LPL: variants seen among roughly 807,000 people sequenced by gnomAD.
The protein encoded by LPL is phospholipase A1.
Under a neutral mutation model 52.2 loss-of-function variants are expected in LPL, and 43 were observed. The observed-to-expected ratio is 0.82, with a 90% CI of 0.64 to 1.06. The LOEUF is 1.06. LPL is among the 50% of genes least tolerant of loss of function. The pLI is 0.00. For synonymous variants in LPL, 244 were observed against 215.6 expected, an observed-to-expected ratio of 1.13 and a Z score of -1.15; for missense variants, 639 against 585.3, an observed-to-expected ratio of 1.09 and a Z score of -0.95.
chr8:19,965,036 A>G (rs2070073506), intron 9 of LPL, among the ~76,000 whole-genome samples: 1 of 152,220 alleles, frequency 6.6e-6, no homozygotes, highest in Non-Finnish European at 1.5e-5. Flanking sequence ...TTAGAATAAG[A>G]AATCCTCTAA....
intron 2 of LPL, among the ~76,000 whole-genome samples, chr8:19,949,173 T>C (rs2069910213): frequency 6.6e-6 from 1 of 152,226 alleles, no homozygotes. Context: ...GTTAAAGATA[T>C]ATTATCTATC....
chr8:19,960,554 C>T (rs1300660506), intron 7 of LPL, among the ~76,000 whole-genome samples: 2 of 152,162 alleles, frequency 1.3e-5, no homozygotes, highest in South Asian at 2.1e-4. Context: ...AATAGAGAAT[C>T]GTATGTGTGC....
chr8:19,964,297 T>C (rs536872820), intron 9 of LPL, among the ~76,000 whole-genome samples: 3 of 152,286 alleles, frequency 2.0e-5, no homozygotes, highest in African/African-American at 4.8e-5. Context: ...ATAAATAGCA[T>C]GCATATTCTG....
chr8:19,964,404 C>A (rs913305999), intron 9 of LPL, among the ~76,000 whole-genome samples: 53 of 152,222 alleles, frequency 3.5e-4, no homozygotes, highest in Non-Finnish European at 1.3e-4. Flanking sequence ...CACGTCCAGT[C>A]GTATTTTTTA....
intron 1 of LPL, among the ~76,000 whole-genome samples, chr8:19,941,081 C>A (rs1487753836): frequency 6.6e-6 from 1 of 152,112 alleles, no homozygotes; most frequent in Non-Finnish European, 1.5e-5. Context: ...GACAGTGAGA[C>A]CCTGTCTCAT....
chr8:19,951,368 G>A (rs2069932914), intron 2 of LPL, among the ~76,000 whole-genome samples: 1 of 152,192 alleles, frequency 6.6e-6, no homozygotes. Flanking sequence ...GGAGGCGAAG[G>A]TGAGTGGGAC....
intron 8 of LPL, among the ~76,000 whole-genome samples, chr8:19,961,731 T>C (rs2070041040): frequency 6.6e-6 from 1 of 151,612 alleles, no homozygotes; most frequent in Non-Finnish European, 1.5e-5. Flanking sequence ...ATCTTGGGGA[T>C]GGAAATGTTA....
chr8:19,951,918 G>C lies in LPL; in HGVS notation c.399G>C (p.Gln133His). ...CGGGCTACACCAAACTGGTGGGACA[G>C]GATGTGGCCCGGTTTATCAACTGGA... ...VSAGYTKLVG[Q>H]DVARFINWME... Residue 133 changes from glutamine to histidine, a missense_variant, in exon 3 of 10, where the codon CAG becomes CAC. By Grantham distance (24) the Gln-to-His change is conservative (BLOSUM62 0). Transcript: ENST00000650287. The C allele has an allele frequency of 6.2e-7, 1 of 1,614,180 alleles. No homozygotes were observed. The highest frequency in any genetic ancestry group is 8.5e-7 in the Non-Finnish European group (1 of 1,180,030).
chr8:19,940,321 C>A (rs2069823865), intron 1 of LPL, among the ~76,000 whole-genome samples: 1 of 152,194 alleles, frequency 6.6e-6, no homozygotes, highest in Non-Finnish European at 1.5e-5. Flanking sequence ...CGGGGGGTTG[C>A]CAGGTCTGCG....
At chr8:19,954,034 G>A (rs1348344413) in intron 4 of LPL, 86 bp from the exon 5 acceptor site, 1 of 903,294 alleles carries the variant, frequency 1.1e-6, no homozygotes, top group African/African-American at 1.6e-5. Context: ...ATAGCTGCCA[G>A]TGCATTCAAA....
Position 19,940,747 on chromosome 8 carries a change from C to T in LPL, c.88+1219C>T, listed in dbSNP as rs537218616. On this transcript the variant is annotated intron_variant, in intron 1 of 9. Transcript: ENST00000650287. Reference sequence around the variant, plus strand: ...CTCCATAGCTTTGATGGCCGCTAAACGTTTGTTTTATTTTGGCATTAATTT... The same window carrying T: ...CTCCATAGCTTTGATGGCCGCTAAATGTTTGTTTTATTTTGGCATTAATTT... 1.4e-4 allele frequency among the ~76,000 whole-genome samples: 21 copies of T among 152,276 alleles called. 1 individual carries two copies. In the South Asian group the frequency reaches 4.2e-3, roughly 30 times the overall value.
At chr8:19,960,555 G>T (rs949873514) in intron 7 of LPL, among the ~76,000 whole-genome samples, 1 of 152,100 alleles carries the variant, frequency 6.6e-6, no homozygotes, top group Non-Finnish European at 1.5e-5. Context: ...ATAGAGAATC[G>T]TATGTGTGCT....
chr8:19,955,746 C>G lies in LPL; in HGVS notation c.776-95C>G, dbSNP rs965559294. 27 of 1,493,920 alleles carry G rather than the reference C, an allele frequency of 1.8e-5. No homozygotes were observed. The African/African-American group carries it at 2.9e-4, about 16-fold the overall frequency. 92.5% of individuals were successfully genotyped at this position (1,493,920 alleles called of 1,614,324 possible). ...GACTATATCCTTGGGTGATTCTACT[C>G]TAACACCACATCTCACCTATTTTAG... On this transcript the variant is annotated intron_variant, in intron 5 of 9. Transcript: ENST00000650287.
intron 7 of LPL, 72 bp from the exon 8 acceptor site, chr8:19,960,829 A>G: frequency 9.5e-7 from 1 of 1,049,626 alleles, no homozygotes; most frequent in South Asian, 1.3e-5. Context: ...ATATTTGGAG[A>G]GGAGAAAAAA....
Position 19,939,709 on chromosome 8 carries a change from A to G in LPL, c.88+181A>G, listed in dbSNP as rs1319963575. ...GGGATCCAGGAGGGGCCGGGAGGGAATCTCCTCCCGATCGTGAAGCGGCGG... is the reference window on the plus strand; with the variant it reads ...GGGATCCAGGAGGGGCCGGGAGGGAGTCTCCTCCCGATCGTGAAGCGGCGG... On this transcript the variant is annotated intron_variant, in intron 1 of 9. Coordinates refer to ENST00000650287, the MANE Select transcript of LPL (RefSeq NM_000237.3). This position sits in a 1 kb window ranked among gnomAD's most constrained non-coding sequence, Gnocchi z 4.0. Among the ~76,000 whole-genome samples the G allele has an allele frequency of 2.0e-5, 3 of 152,084 alleles. No individual in the cohort carries two copies. The highest frequency in any genetic ancestry group is 7.2e-5 in the African/African-American group (3 of 41,440).
At chr8:19,947,147 GTTTCATACAAAAGC>G (rs1563568402) in intron 1 of LPL, among the ~76,000 whole-genome samples, 1 of 152,158 alleles carries the variant, frequency 6.6e-6, no homozygotes. Flanking sequence ...AGTGGGAACA[GTTTCATACAAAAGC>G]CTCCTCATGC....
At chr8:19,942,034 G>C (rs17410577) in intron 1 of LPL, among the ~76,000 whole-genome samples, 25,167 of 152,148 alleles carry the variant, frequency 0.17, 2,386 homozygotes, top group Non-Finnish European at 0.2. Flanking sequence ...TGGCAAAGGA[G>C]AGCAAAATAG....
chr8:19,963,435 CA>C (rs377320060), intron 9 of LPL, among the ~76,000 whole-genome samples: 8,843 of 132,700 alleles, frequency 0.067, 326 homozygotes, highest in Non-Finnish European at 0.091. Context: ...GACTCCATCT[CA>C]AAAAAAAAAA....
At chr8:19,949,727 C>G (rs911671072) in intron 2 of LPL, among the ~76,000 whole-genome samples, 1 of 151,494 alleles carries the variant, frequency 6.6e-6, no homozygotes, top group African/African-American at 2.5e-5. Context: ...AAGTGATCTA[C>G]CCACCTTGGC....
Sources: gnomAD v4.1 joint callset for allele counts (sites outside exome capture counted in the v4.1 genomes callset) on GRCh38, gnomAD v4.1.1 for gene constraint, Gnocchi (gnomAD v3.1) non-coding constraint, MANE v1.5 for transcripts, NCBI Gene and HGNC (gene_info 2026-07-23, HGNC 2026-07-21) for gene names.